Variants in NF2 observed in about 807,000 individuals in gnomAD.
NF2 encodes the protein NF2, moesin-ezrin-radixin like (MERLIN) tumor suppressor, also known as merlin.
Under a neutral mutation model 83.7 loss-of-function variants are expected in NF2, and 8 were observed. The ratio of observed to expected loss-of-function variants is 0.10; its 90% CI spans 0.06 to 0.17. NF2 has a LOEUF of 0.17. Ranked by LOEUF, NF2 falls within the 10% of genes least tolerant of loss-of-function variation. The pLI, the probability that NF2 is intolerant of heterozygous loss-of-function variation, is 1.00. For synonymous variants in NF2, 266 were observed against 269.6 expected (o/e 0.99, Z 0.13); for missense variants, 533 against 744.4 (o/e 0.72, Z 3.31).
chr22:29,695,029 C>T lies in NF2; in HGVS notation c.*227C>T. 1 of 610,462 alleles carries T rather than the reference C, an allele frequency of 1.6e-6. No homozygotes were observed. The highest frequency in any genetic ancestry group is 1.9e-5 in the South Asian group (1 of 51,438). The allele number at this position is 610,462 out of a possible 1,614,324, so 37.8% of individuals were successfully genotyped here. A position where few individuals can be genotyped will look rare whatever the true frequency, so the allele number is the denominator to read the frequency against. ...GGCGTTCTAGTTCTCTGACCTGAGT[C>T]TTTGTTTTAAGAAGTATTTGTCTTC... On this transcript the variant is annotated 3_prime_UTR_variant, in exon 16 of 16. Coordinates refer to ENST00000338641, the MANE Select transcript of NF2 (RefSeq NM_000268.4). The surrounding 1 kb of genome is among the most constrained non-coding windows in gnomAD (Gnocchi z 5.4).
At chr22:29,682,442 C>T (rs1489579687) in intron 15 of NF2, among the ~76,000 whole-genome samples, 1 of 152,164 alleles carries the variant, frequency 6.6e-6, no homozygotes, top group Non-Finnish European at 1.5e-5. Flanking sequence ...TATCTGAAAA[C>T]TCCAGGGGAT....
chr22:29,645,720 G>A (rs1320789647), intron 4 of NF2, among the ~76,000 whole-genome samples: 1 of 152,052 alleles, frequency 6.6e-6, no homozygotes. Context: ...TCTTTCCATG[G>A]ATTTTTGGGC....
intron 1 of NF2, among the ~76,000 whole-genome samples, chr22:29,606,873 C>T (rs1569261783): frequency 6.6e-6 from 1 of 152,232 alleles, no homozygotes; most frequent in African/African-American, 2.4e-5. Context: ...TGGTGAACCC[C>T]ATCTCTACTA....
chr22:29,653,022 T>G (rs1043303286), intron 4 of NF2, among the ~76,000 whole-genome samples: 4 of 152,172 alleles, frequency 2.6e-5, no homozygotes, highest in Non-Finnish European at 5.9e-5. Flanking sequence ...TGGGCTCAAG[T>G]GACCCTCCCA....
intron 1 of NF2, among the ~76,000 whole-genome samples, chr22:29,611,113 T>C (rs1206951039): frequency 6.6e-6 from 1 of 152,098 alleles, no homozygotes; most frequent in Non-Finnish European, 1.5e-5. Flanking sequence ...GAAAAAGCAT[T>C]TGACAAAATT....
intron 8 of NF2, among the ~76,000 whole-genome samples, chr22:29,663,526 C>T (rs2066534427): frequency 1.3e-5 from 2 of 152,248 alleles, no homozygotes; most frequent in Admixed American, 1.3e-4. Flanking sequence ...TGTGTACGCC[C>T]TGGCATGGTG....
At chr22:29,616,106 C>T (rs1184403391) in intron 1 of NF2, among the ~76,000 whole-genome samples, 1 of 152,100 alleles carries the variant, frequency 6.6e-6, no homozygotes, top group Non-Finnish European at 1.5e-5. Context: ...ATATGCAAAT[C>T]TAGGATAGGC....
chr22:29,622,092 G>A (rs1258264166), intron 1 of NF2, among the ~76,000 whole-genome samples: 1 of 152,224 alleles, frequency 6.6e-6, no homozygotes, highest in Non-Finnish European at 1.5e-5. Context: ...GAGAACTTAG[G>A]TATTTGGTAA....
chr22:29,609,607 T>C, intron 1 of NF2: 2 of 197,484 alleles, frequency 1.0e-5, no homozygotes, highest in African/African-American at 2.4e-5. Context: ...TCTGCGTTTT[T>C]GAGCAGTTAT....
intron 1 of NF2, among the ~76,000 whole-genome samples, chr22:29,624,915 C>T (rs1230222963): frequency 1.4e-5 from 2 of 147,944 alleles, no homozygotes; most frequent in African/African-American, 2.5e-5. Flanking sequence ...CTCTCTCTCT[C>T]TCTCTCTTTC....
intron 1 of NF2, among the ~76,000 whole-genome samples, chr22:29,611,507 C>T (rs140649855): frequency 9.2e-5 from 14 of 152,066 alleles, no homozygotes; most frequent in East Asian, 1.9e-4. Flanking sequence ...ATAGGCTGGG[C>T]GACAGAGCTC....
intron 1 of NF2, among the ~76,000 whole-genome samples, chr22:29,625,816 T>C (rs1038490289): frequency 2.0e-5 from 3 of 152,224 alleles, no homozygotes; most frequent in East Asian, 3.8e-4. Context: ...CTTCCAACTC[T>C]TTTGCCACTG....
At position 29,697,008 on chromosome 22, in the gene NF2, G is replaced by C. The variant is rs886057374; in HGVS notation, c.*2206G>C. On this transcript the variant is annotated 3_prime_UTR_variant, in exon 16 of 16. Coordinates refer to ENST00000338641, the MANE Select transcript of NF2 (RefSeq NM_000268.4). ...ATTTTTGTATTTTTAGTAGAGATGG[G>C]GTTTCGCCATGTTAGCCAGACTGGT... is the stretch of plus-strand genomic sequence containing the variant. 1.1e-5 allele frequency: 2 copies of C among 184,106 alleles called. No homozygotes were observed. The highest frequency in any genetic ancestry group is 2.3e-5 in the Non-Finnish European group (2 of 86,834). 11.4% of individuals were successfully genotyped at this position (184,106 alleles called of 1,614,324 possible). A position where few individuals can be genotyped will look rare whatever the true frequency, so the allele number is the denominator to read the frequency against.
At chr22:29,653,443 CAA>C (rs57099430) in intron 4 of NF2, among the ~76,000 whole-genome samples, 133 of 94,284 alleles carry the variant, frequency 1.4e-3, no homozygotes, top group Middle Eastern at 0.011. Flanking sequence ...GACTCTGTCT[CAA>C]AAAAAAAAAA....
intron 15 of NF2, chr22:29,683,149 C>T (rs1378890210): frequency 3.1e-6 from 5 of 1,613,760 alleles, no homozygotes; most frequent in Non-Finnish European, 4.2e-6. Context: ...CTGTCTCTGT[C>T]CTCGGGCCAC....
chr22:29,629,444 G>A (rs756025553), intron 1 of NF2, among the ~76,000 whole-genome samples: 21 of 152,170 alleles, frequency 1.4e-4, no homozygotes, highest in Non-Finnish European at 2.9e-5. Flanking sequence ...GTTAGGTTTG[G>A]ATCTGGTATA....
At chr22:29,658,806 G>A (rs2066393546) in intron 7 of NF2, among the ~76,000 whole-genome samples, 1 of 152,128 alleles carries the variant, frequency 6.6e-6, no homozygotes, top group South Asian at 2.1e-4. Flanking sequence ...CCAGATCTGG[G>A]CCTTTAGAAT....
intron 11 of NF2, among the ~76,000 whole-genome samples, chr22:29,672,620 AT>A (rs986973109): frequency 4.7e-4 from 60 of 128,770 alleles, no homozygotes; most frequent in Admixed American, 4.8e-4. Flanking sequence ...CTGTACTTTT[AT>A]TTTTTTTTTT....
chr22:29,672,266 A>G (rs549731272), intron 11 of NF2, among the ~76,000 whole-genome samples: 5 of 147,822 alleles, frequency 3.4e-5, no homozygotes, highest in Admixed American at 6.8e-5. Flanking sequence ...CTCACCCTCC[A>G]TTTGTAACAA....
Sources: allele counts gnomAD v4.1 joint callset (sites outside exome capture counted in the v4.1 genomes callset), GRCh38; gene constraint gnomAD v4.1.1; non-coding constraint Gnocchi (gnomAD v3.1); transcripts MANE v1.5; gene names NCBI Gene and HGNC (gene_info 2026-07-23, HGNC 2026-07-21).